The following PATJ variants were observed in gnomAD, a reference collection of about 807,000 sequenced individuals.
PATJ encodes the protein inaD-like protein.
Under a neutral mutation model 224.9 loss-of-function variants are expected in PATJ, and 190 were observed. The observed-to-expected ratio is 0.84, with a 90% CI of 0.75 to 0.95. The LOEUF (loss-of-function observed/expected upper bound fraction) is 0.95. Ranked by LOEUF, PATJ falls within the 40% of genes least tolerant of loss-of-function variation. The probability of loss-of-function intolerance (pLI) is 0.00; values close to 1 mark genes in which losing one functional copy is unlikely to be tolerated. For missense variants in PATJ, 2,121 were observed against 2,270.3 expected (o/e 0.93, Z 1.34); for synonymous variants, 769 against 820.3 (o/e 0.94, Z 1.07).
intron 17 of PATJ, among the ~76,000 whole-genome samples, chr1:61,838,120 C>CTT (rs1429793899): frequency 2.0e-5 from 3 of 152,132 alleles, no homozygotes; most frequent in Non-Finnish European, 4.4e-5. Context: ...TTTATTAGCT[C>CTT]TTAGGGTACA....
chr1:62,160,683 GTTAT>G lies in PATJ; in HGVS notation c.5503-221_5503-218del, dbSNP rs370371673. On this transcript the variant is annotated intron_variant, in intron 43 of 43. Transcript: ENST00000642238. ...TGTATCAGTACATTTCTACTAGTAT[GTTAT>G]TTAGATTATCCATAATTATAGTTAC... Among the ~76,000 whole-genome samples the G allele has an allele frequency of 3.5e-3, 527 of 152,258 alleles. 2 individuals carry two copies. The highest frequency in any genetic ancestry group is 0.012 in the African/African-American group (496 of 41,572).
chr1:62,044,122 G>A (rs890308769), intron 30 of PATJ, among the ~76,000 whole-genome samples: 3 of 152,212 alleles, frequency 2.0e-5, no homozygotes, highest in African/African-American at 7.2e-5. Flanking sequence ...GGTGAGAACA[G>A]TTGAAATCTA....
At position 61,780,652 on chromosome 1, in the gene PATJ, A is replaced by T. The variant is rs1040943864; in HGVS notation, c.849+5318A>T. Among the ~76,000 whole-genome samples the T allele has an allele frequency of 3.4e-5, 5 of 147,944 alleles. No individual in the cohort carries two copies. The East Asian group carries it at 6.0e-4, about 18-fold the overall frequency. On this transcript the variant is annotated intron_variant, in intron 7 of 43. Coordinates refer to ENST00000642238, the MANE Select transcript of PATJ (RefSeq NM_001350145.3). ...CAATTTTAATAGGTTTGTTTGTTGGAGTGGCATTTTTTTTTTTCCAAAATG... is the reference window on the plus strand; with the variant it reads ...CAATTTTAATAGGTTTGTTTGTTGGTGTGGCATTTTTTTTTTTCCAAAATG...
chr1:62,047,813 CCTT>C (rs1461649363), intron 30 of PATJ, among the ~76,000 whole-genome samples: 4 of 152,092 alleles, frequency 2.6e-5, no homozygotes, highest in Non-Finnish European at 5.9e-5. Context: ...CATGGTAACT[CCTT>C]GATTATCCAA....
In PATJ at chr1:61,890,723, T is replaced by C. The variant is rs549554824; in HGVS notation, c.3131+6315T>C. On this transcript the variant is annotated intron_variant, in intron 22 of 43. Coordinates refer to ENST00000642238, the MANE Select transcript of PATJ (RefSeq NM_001350145.3). Reference sequence around the variant, plus strand: ...TGTTACCCAGGCTGGTCTAAACTCCTGGCCTCAAGCAATCCTCCCACCTTG... The same window carrying C: ...TGTTACCCAGGCTGGTCTAAACTCCCGGCCTCAAGCAATCCTCCCACCTTG... Among the ~76,000 whole-genome samples, 12 of 152,118 alleles carry C rather than the reference T, an allele frequency of 7.9e-5. No homozygotes were observed. In the South Asian group the frequency reaches 2.1e-3, roughly 26 times the overall value.
Position 61,997,982 on chromosome 1 carries a change from T to TTTTATATA in PATJ, c.3867+7619_3867+7620insTTATATAT, listed in dbSNP as rs374175697. Among the ~76,000 whole-genome samples the TTTTATATA allele has an allele frequency of 2.0e-4, 24 of 118,302 alleles. 1 individual carries two copies. The highest frequency in any genetic ancestry group is 1.5e-3 in the Admixed American group (16 of 10,646). The allele number at this position is 118,302 out of a possible 152,430, so 77.6% of individuals were successfully genotyped here. ...ATAGGTGCATGCCACTGTGCCCAGC[T>TTTTATATA]TATATATGTATATATAATATATTAT... On this transcript the variant is annotated intron_variant, in intron 28 of 43. Transcript: ENST00000642238.
At chr1:61,939,772 C>G (rs1487376817) in intron 27 of PATJ, among the ~76,000 whole-genome samples, 2 of 131,502 alleles carry the variant, frequency 1.5e-5, no homozygotes, top group Admixed American at 9.3e-5. Context: ...CCTCCCAGTT[C>G]AAGTGTTTCT....
rs755604044 is a variant in PATJ, at chr1:61,864,360, T to C, written c.2562T>C (p.His854=). 2 of 1,614,096 alleles carry C rather than the reference T, an allele frequency of 1.2e-6. No homozygotes were observed. The highest frequency in any genetic ancestry group is 4.5e-5 in the East Asian group (2 of 44,886). Reference sequence around the variant, plus strand: ...AAAGCAAGGAGGCCTGGGAGATGCATGAATTTCTGACTCCTAGATTGCAGG... The same window carrying C: ...AAAGCAAGGAGGCCTGGGAGATGCACGAATTTCTGACTCCTAGATTGCAGG... ...IEQSKEAWEM[H]EFLTPRLQEM... The change falls in exon 20 of 44, where the codon CAT becomes CAC. Residue 854 remains histidine (H), a synonymous_variant. Transcript: ENST00000642238.
chr1:61,998,259 T>G (rs1321662276), intron 28 of PATJ, among the ~76,000 whole-genome samples: 2 of 151,192 alleles, frequency 1.3e-5, no homozygotes, highest in Non-Finnish European at 1.5e-5. Context: ...TTTTTTTGTA[T>G]TTTTAGTAGA....
chr1:62,099,675 G>A (rs974210167), intron 33 of PATJ, among the ~76,000 whole-genome samples: 1 of 152,080 alleles, frequency 6.6e-6, no homozygotes, highest in African/African-American at 2.4e-5. Flanking sequence ...CTTTATAATA[G>A]TATCTACATA....
chr1:61,902,211 C>G (rs180704977), intron 24 of PATJ, among the ~76,000 whole-genome samples: 1 of 137,518 alleles, frequency 7.3e-6, no homozygotes, highest in African/African-American at 2.7e-5. Flanking sequence ...GAACGACACT[C>G]TTGTCTCAAA....
intron 31 of PATJ, among the ~76,000 whole-genome samples, chr1:62,051,403 T>C (rs1653598351): frequency 6.6e-6 from 1 of 152,198 alleles, no homozygotes; most frequent in Non-Finnish European, 1.5e-5. Flanking sequence ...CTCAGCTCAC[T>C]GCAACATCTG....
At chr1:62,138,710 G>A (rs992660968) in intron 41 of PATJ, among the ~76,000 whole-genome samples, 1 of 152,206 alleles carries the variant, frequency 6.6e-6, no homozygotes, top group Non-Finnish European at 1.5e-5. Context: ...TCTGGGTCTA[G>A]CGGGACATGA....
chr1:62,158,520 C>A (rs143178544), intron 43 of PATJ, among the ~76,000 whole-genome samples: 1 of 148,330 alleles, frequency 6.7e-6, no homozygotes, highest in East Asian at 1.9e-4. Context: ...GAGATTGAGA[C>A]CATCCTGGCT....
intron 17 of PATJ, among the ~76,000 whole-genome samples, chr1:61,840,137 C>T (rs964219225): frequency 1.3e-5 from 2 of 151,594 alleles, no homozygotes; most frequent in Non-Finnish European, 2.9e-5. Context: ...AGTATTTGTG[C>T]AAAAAATCTA....
chr1:61,836,551 A>G (rs1660208594), intron 17 of PATJ, among the ~76,000 whole-genome samples: 1 of 152,224 alleles, frequency 6.6e-6, no homozygotes, highest in Non-Finnish European at 1.5e-5. Flanking sequence ...AGTCAGTCTT[A>G]AGTGTACTTA....
chr1:62,060,234 T>G (rs1469613607), intron 31 of PATJ, among the ~76,000 whole-genome samples: 1 of 152,196 alleles, frequency 6.6e-6, no homozygotes, highest in African/African-American at 2.4e-5. Context: ...TCATCTCCAT[T>G]TTGCAGCTGA....
chr1:62,125,388 G>T (rs1344097031), intron 39 of PATJ, among the ~76,000 whole-genome samples: 1 of 152,026 alleles, frequency 6.6e-6, no homozygotes, highest in Non-Finnish European at 1.5e-5. Flanking sequence ...ATTACATGAG[G>T]TCATGAATGT....
chr1:61,755,368 C>T (rs989149117), intron 1 of PATJ, among the ~76,000 whole-genome samples: 3 of 151,112 alleles, frequency 2.0e-5, no homozygotes, highest in Admixed American at 1.3e-4. Flanking sequence ...TTTACCTTAC[C>T]CTCATAAAGT....
Sources: gnomAD v4.1 joint callset for allele counts (sites outside exome capture counted in the v4.1 genomes callset) on GRCh38, gnomAD v4.1.1 for gene constraint, MANE v1.5 for transcripts, NCBI Gene and HGNC (gene_info 2026-07-23, HGNC 2026-07-21) for gene names.